CEBPZ: variants seen among roughly 807,000 people sequenced by gnomAD.
The protein encoded by CEBPZ is CCAAT enhancer binding protein zeta, also known as CCAAT/enhancer-binding protein zeta.
In CEBPZ, 78 loss-of-function variants were observed where a neutral mutation model predicts 104.5. The ratio of observed to expected loss-of-function variants is 0.75; its 90% CI spans 0.62 to 0.90. The LOEUF (loss-of-function observed/expected upper bound fraction) is 0.90, where lower values mean the gene tolerates loss of function less well. CEBPZ is among the 40% of genes least tolerant of loss of function. CEBPZ has a pLI of 0.00. For synonymous variants in CEBPZ, 470 were observed against 427.0 expected (o/e 1.10, Z -1.24); for missense variants, 1,439 against 1,233.5 (o/e 1.17, Z -2.50).
At chr2:37,227,505 T>C (rs1289198808) in intron 2 of CEBPZ, 39 bp downstream of exon 2, 1 of 1,544,996 alleles carries the variant, frequency 6.5e-7, no homozygotes, top group African/African-American at 1.4e-5. Flanking sequence ...TACATCAAGT[T>C]ATTATTTCAT....
At position 37,212,406 on chromosome 2, in the gene CEBPZ, C is replaced by A; in HGVS notation, c.2546-14G>T. 2 of 1,606,152 alleles carry A rather than the reference C, an allele frequency of 1.2e-6. No individual in the cohort carries two copies. The highest frequency in any genetic ancestry group is 1.7e-5 in the Admixed American group (1 of 59,736). On this transcript the variant is annotated splice_polypyrimidine_tract_variant and intron_variant, in intron 10 of 15. Transcript: ENST00000234170. ...CTTCAAATGTGTCTGCCAGACAATACAGAAATGTGAGATACAACAAAGAAT... is the reference window on the plus strand; with the variant it reads ...CTTCAAATGTGTCTGCCAGACAATAAAGAAATGTGAGATACAACAAAGAAT...
In CEBPZ at chr2:37,213,842, AAG is replaced by A; in HGVS notation, c.2545+20_2545+21del. 6.6e-7 allele frequency: 1 copy of A among 1,512,198 alleles called. No homozygotes were observed. The highest frequency in any genetic ancestry group is 1.1e-5 in the South Asian group (1 of 87,264). The allele number at this position is 1,512,198 out of a possible 1,614,324, so 93.7% of individuals were successfully genotyped here. On this transcript the variant is annotated intron_variant, in intron 10 of 15. Transcript: ENST00000234170. Reference sequence around the variant, plus strand: ...ACACATAGTAGTAGATTATTTTACAAAGAGTCAACAAAACAAATTACCAATCA... The same window carrying A: ...ACACATAGTAGTAGATTATTTTACAAAGTCAACAAAACAAATTACCAATCA...
chr2:37,217,552 CA>C (rs1426703646), intron 5 of CEBPZ, among the ~76,000 whole-genome samples: 1 of 152,146 alleles, frequency 6.6e-6, no homozygotes, highest in East Asian at 1.9e-4. Flanking sequence ...TATCTACAGA[CA>C]CCTATGTTAT....
rs369647111 is a variant in CEBPZ, at chr2:37,222,578, G to C, written c.1882-15C>G. 3 of 1,548,676 alleles carry C rather than the reference G, an allele frequency of 1.9e-6. No homozygotes were observed. In the African/African-American group the frequency reaches 4.2e-5, roughly 22 times the overall value. ...TCATCAGACTCCTAACAAAAGTATA[G>C]TTTCATAAATCTACATAAATCAACT... is the stretch of plus-strand genomic sequence containing the variant. On this transcript the variant is annotated splice_polypyrimidine_tract_variant and intron_variant, in intron 3 of 15. Coordinates refer to ENST00000234170, the MANE Select transcript of CEBPZ (RefSeq NM_005760.3).
chr2:37,210,775 T>C (rs138393600), intron 13 of CEBPZ: 3 of 447,184 alleles, frequency 6.7e-6, no homozygotes, highest in East Asian at 7.7e-5. Flanking sequence ...GAAATAATGA[T>C]AACAAATTTT....
chr2:37,212,967 A>T (rs1474175879), intron 10 of CEBPZ, among the ~76,000 whole-genome samples: 2 of 152,002 alleles, frequency 1.3e-5, no homozygotes, highest in Middle Eastern at 3.2e-3. Context: ...TGAGCCCAGA[A>T]GGTCTAGGCT....
In CEBPZ at chr2:37,227,763, T is replaced by A. The variant is rs770383979; in HGVS notation, c.1430A>T (p.Asp477Val). ...CFFRTCVKKK[D>V]VESKMLSALL... ...GGCGCTAAGCATTTTTGATTCAACA[T>A]CTTTTTTTTTGACACAAGTCCGAAA... Residue 477 changes from aspartate (D) to valine (V), a missense_variant, in exon 2 of 16, where the codon GAT (aspartate) becomes GTT (valine). By Grantham distance (152) the Asp-to-Val change is radical. Transcript: ENST00000234170. 6.2e-7 allele frequency: 1 copy of A among 1,613,880 alleles called. No homozygotes were observed. Among genetic ancestry groups the A allele is most frequent in the South Asian group, 1.1e-5 (1 of 91,026 alleles).
chr2:37,214,164 T>C (rs1483523676), intron 9 of CEBPZ, among the ~76,000 whole-genome samples: 2 of 152,168 alleles, frequency 1.3e-5, no homozygotes, highest in South Asian at 2.1e-4. Flanking sequence ...TTAAGTGTAA[T>C]ACATTTCAAA....
rs371520047 is a variant in CEBPZ at position 37,222,439 on chromosome 2, G to T, written c.2006C>A (p.Thr669Asn). The change falls in exon 4 of 16, where the codon ACT (threonine) becomes AAT (asparagine). Residue 669 changes from threonine (T) to asparagine (N), a missense_variant. By Grantham distance (65) the Thr-to-Asn change is moderately conservative. Coordinates refer to ENST00000234170, the MANE Select transcript of CEBPZ (RefSeq NM_005760.3). Reference sequence around the variant, plus strand: ...CTCTGGTTTTTTGGTTTCTACATCAGTTTCAGGAACTGTTTCCTCTGTCTC... The same window carrying T: ...CTCTGGTTTTTTGGTTTCTACATCATTTTCAGGAACTGTTTCCTCTGTCTC... ...KLETEETVPETDVETKKPEVA... is the reference protein window; with the variant it reads ...KLETEETVPENDVETKKPEVA... The T allele has an allele frequency of 1.3e-5, 21 of 1,607,322 alleles. No individual in the cohort carries two copies. The Middle Eastern group carries it at 5.0e-4, about 38-fold the overall frequency.
rs748000009 is a variant in CEBPZ at position 37,212,044 on chromosome 2, A to G, written c.2604-5T>C. ...TTTGTTCTCTTTTTCACGTTTCTGG[A>G]AAAAAACACAACTTGTAATACAAGA... is the stretch of plus-strand genomic sequence containing the variant. On this transcript the variant is annotated splice_region_variant and splice_polypyrimidine_tract_variant and intron_variant, in intron 11 of 15. Transcript: ENST00000234170. 3 of 1,573,826 alleles carry G rather than the reference A, an allele frequency of 1.9e-6. No homozygotes were observed. Among genetic ancestry groups the G allele is most frequent in the Non-Finnish European group, 2.6e-6 (3 of 1,165,362 alleles).
intron 12 of CEBPZ, 42 bp from the exon 13 acceptor site, chr2:37,211,124 A>G (rs529135111): frequency 6.3e-5 from 83 of 1,310,470 alleles, no homozygotes; most frequent in African/African-American, 4.0e-4. Context: ...TTTAAAAACA[A>G]TAAGACTGGA....
In CEBPZ at chr2:37,227,731, T is replaced by C; in HGVS notation, c.1462A>G (p.Thr488Ala). The part of the protein sequence containing the change: ...VESKMLSALL[T>A]GVNRAYPYSQ... ...TAAGGGTATGCCCTATTCACACCTG[T>C]TAAAAGGGCGCTAAGCATTTTTGAT... Residue 488 changes from threonine (T) to alanine (A), a missense_variant, in exon 2 of 16, where the codon ACA becomes GCA. Coordinates refer to ENST00000234170, the MANE Select transcript of CEBPZ (RefSeq NM_005760.3). 1 of 1,614,110 alleles carries C rather than the reference T, an allele frequency of 6.2e-7. No homozygotes were observed. The highest frequency in any genetic ancestry group is 8.5e-7 in the Non-Finnish European group (1 of 1,180,012).
chr2:37,223,232 A>G lies in CEBPZ; in HGVS notation c.1819T>C (p.Tyr607His). The change falls in exon 3 of 16, where the codon TAT (tyrosine) becomes CAT (histidine). Residue 607 changes from tyrosine to histidine, a missense_variant. Transcript: ENST00000234170. The stretch of plus-strand genomic sequence containing the variant: ...GCTTTAAGGATCTCAGACACAAGAT[A>G]TAAAGCTCCACATATAAATGGTGGC... ...QMPPFICGAL[Y>H]LVSEILKAKP... The G allele has an allele frequency of 1.2e-6, 2 of 1,614,208 alleles. No individual in the cohort carries two copies. The highest frequency in any genetic ancestry group is 3.3e-5 in the Admixed American group (2 of 60,030).
chr2:37,203,219 C>T, intron 13 of CEBPZ: 1 of 352,626 alleles, frequency 2.8e-6, no homozygotes, highest in Non-Finnish European at 5.1e-6. Flanking sequence ...TAGAACTGTT[C>T]AGATGACAAG....
intron 13 of CEBPZ, chr2:37,204,466 TG>T (rs1304131028): frequency 6.8e-6 from 1 of 146,166 alleles, no homozygotes; most frequent in Non-Finnish European, 1.5e-5. Context: ...TTAGTAGAGA[TG>T]GGGTTTCATC....
At chr2:37,212,680 T>C (rs569538684) in intron 10 of CEBPZ, 17 of 428,316 alleles carry the variant, frequency 4.0e-5, no homozygotes, top group Admixed American at 2.5e-4. Context: ...TATTTAGCAA[T>C]TGTCGTCCTT....
intron 13 of CEBPZ, among the ~76,000 whole-genome samples, chr2:37,205,801 T>C (rs1212031792): frequency 6.6e-6 from 1 of 152,230 alleles, no homozygotes; most frequent in Non-Finnish European, 1.5e-5. Flanking sequence ...CACTTTTTTC[T>C]TTTATTAGCA....
chr2:37,216,125 A>G lies in CEBPZ; in HGVS notation c.2380+15T>C, dbSNP rs1267667427. The G allele has an allele frequency of 3.2e-6, 5 of 1,586,108 alleles. No homozygotes were observed. The highest frequency in any genetic ancestry group is 4.3e-6 in the Non-Finnish European group (5 of 1,158,956). On this transcript the variant is annotated intron_variant, in intron 8 of 15. Coordinates refer to ENST00000234170, the MANE Select transcript of CEBPZ (RefSeq NM_005760.3). ...ATTGTCTTTTCAGTTTCAACTGTCT[A>G]AGGTTTATACTTACCAGGAAGATGA... is the stretch of plus-strand genomic sequence containing the variant.
At chr2:37,207,813 C>T (rs1677589487) in intron 13 of CEBPZ, among the ~76,000 whole-genome samples, 1 of 151,920 alleles carries the variant, frequency 6.6e-6, no homozygotes, top group African/African-American at 2.4e-5. Context: ...CAGAGCAGAA[C>T]TAAATAAAAC....
Sources: gnomAD v4.1 joint callset for allele counts (sites outside exome capture counted in the v4.1 genomes callset) on GRCh38, gnomAD v4.1.1 for gene constraint, MANE v1.5 for transcripts, NCBI Gene and HGNC (gene_info 2026-07-23, HGNC 2026-07-21) for gene names.